Variants in RBFOX1 observed in about 807,000 individuals in gnomAD.
RBFOX1 encodes the protein RNA binding fox-1 homolog 1.
RBFOX1 carries 8 observed loss-of-function variants against 57.7 expected under a neutral mutation model. The observed-to-expected ratio is 0.14, with a 90% CI of 0.08 to 0.25. RBFOX1 has a LOEUF of 0.25. RBFOX1 is among the 10% of genes least tolerant of loss of function. The pLI is 1.00. For synonymous variants in RBFOX1, 326 were observed against 222.4 expected (o/e 1.47, Z -4.15); for missense variants, 611 against 548.5 (o/e 1.11, Z -1.14).
At chr16:5,950,723 A>G (rs192415916) in intron 4 of RBFOX1, among the ~76,000 whole-genome samples, 3 of 152,194 alleles carry the variant, frequency 2.0e-5, no homozygotes, top group Non-Finnish European at 4.4e-5. Flanking sequence ...TCAGGCACCT[A>G]CTGGGTACTC....
intron 3 of RBFOX1, among the ~76,000 whole-genome samples, chr16:6,898,713 ATG>A (rs758027246): frequency 3.3e-5 from 5 of 152,070 alleles, no homozygotes; most frequent in African/African-American, 1.2e-4. Flanking sequence ...TCTATAATAT[ATG>A]TGTGTATGTG....
At chr16:5,843,011 T>C (rs2056663881) in intron 3 of RBFOX1, among the ~76,000 whole-genome samples, 1 of 151,934 alleles carries the variant, frequency 6.6e-6, no homozygotes, top group Non-Finnish European at 1.5e-5. Context: ...TTTTCTTTAG[T>C]AGAGACGGGG....
At chr16:5,260,723 C>T (rs910406360) in intron 1 of RBFOX1, 2 of 152,290 alleles carry the variant, frequency 1.3e-5, no homozygotes, top group Admixed American at 1.3e-4. Context: ...TTTGCAGTCT[C>T]TTGACGTCAT....
intron 4 of RBFOX1, among the ~76,000 whole-genome samples, chr16:6,009,242 C>A (rs920031065): frequency 2.0e-5 from 3 of 152,120 alleles, no homozygotes; most frequent in African/African-American, 7.2e-5. Context: ...CAAAAAGCCA[C>A]GATGGTACCT....
chr16:7,641,475 A>C (rs1034451392), intron 11 of RBFOX1, among the ~76,000 whole-genome samples: 2 of 152,230 alleles, frequency 1.3e-5, no homozygotes, highest in African/African-American at 4.8e-5. Context: ...TTCAGAACCA[A>C]ACACCACACC....
intron 2 of RBFOX1, among the ~76,000 whole-genome samples, chr16:5,550,011 G>C (rs1426026231): frequency 6.6e-6 from 1 of 152,196 alleles, no homozygotes; most frequent in Non-Finnish European, 1.5e-5. Context: ...CAGCCCAGCT[G>C]GTTACAGCTT....
At chr16:7,070,878 G>A (rs1451085149) in intron 4 of RBFOX1, among the ~76,000 whole-genome samples, 4 of 152,150 alleles carry the variant, frequency 2.6e-5, no homozygotes, top group Non-Finnish European at 5.9e-5. Flanking sequence ...AACCAGCACT[G>A]ACAAGACTGT....
At chr16:7,204,402 G>C (rs756694475) in intron 4 of RBFOX1, among the ~76,000 whole-genome samples, 1 of 146,202 alleles carries the variant, frequency 6.8e-6, no homozygotes, top group Non-Finnish European at 1.5e-5. Context: ...AGTACTTTGA[G>C]AGGCTGAAGT....
chr16:5,375,085 CAAAAA>C (rs576765968), intron 1 of RBFOX1, among the ~76,000 whole-genome samples: 3 of 37,106 alleles, frequency 8.1e-5, no homozygotes, highest in East Asian at 2.3e-3. Context: ...TTTAAATGGC[CAAAAA>C]AAAAAAAAAA....
intron 14 of RBFOX1, among the ~76,000 whole-genome samples, chr16:7,682,953 C>G (rs1332987161): frequency 2.4e-5 from 2 of 83,254 alleles, no homozygotes; most frequent in Non-Finnish European, 2.5e-5. Context: ...TGTGAGATTC[C>G]TATTACAAAG....
At chr16:5,842,694 T>G (rs1354355458) in intron 3 of RBFOX1, among the ~76,000 whole-genome samples, 1 of 152,230 alleles carries the variant, frequency 6.6e-6, no homozygotes. Context: ...GAAATGTACC[T>G]CTAAGCAAGT....
At chr16:6,356,155 T>A (rs891917745) in intron 2 of RBFOX1, among the ~76,000 whole-genome samples, 2 of 152,218 alleles carry the variant, frequency 1.3e-5, no homozygotes, top group Non-Finnish European at 2.9e-5. Flanking sequence ...ACAGCCTTCA[T>A]CCTTGAAGAG....
intron 3 of RBFOX1, among the ~76,000 whole-genome samples, chr16:7,045,580 G>T (rs1330880759): frequency 2.6e-5 from 4 of 152,136 alleles, no homozygotes; most frequent in African/African-American, 9.7e-5. Flanking sequence ...TGTCGTCATT[G>T]TGCTTTTGTG....
At chr16:6,799,218 G>C (rs570264479) in intron 3 of RBFOX1, among the ~76,000 whole-genome samples, 1 of 152,092 alleles carries the variant, frequency 6.6e-6, no homozygotes, top group Non-Finnish European at 1.5e-5. Flanking sequence ...AGGGGAAACC[G>C]TGCACAGCAA....
intron 2 of RBFOX1, among the ~76,000 whole-genome samples, chr16:5,501,442 TAGTGGA>T (rs2043195174): frequency 6.6e-6 from 1 of 151,770 alleles, no homozygotes; most frequent in Admixed American, 6.6e-5. Context: ...CCTGTCGATC[TAGTGGA>T]AGGGTTGGTG....
At chr16:6,891,484 A>G (rs1277538072) in intron 3 of RBFOX1, among the ~76,000 whole-genome samples, 1 of 151,588 alleles carries the variant, frequency 6.6e-6, no homozygotes, top group Non-Finnish European at 1.5e-5. Context: ...AGAGAGAGAG[A>G]GGAGAGGAGA....
chr16:5,649,617 G>C (rs2049166492), intron 3 of RBFOX1, among the ~76,000 whole-genome samples: 1 of 152,148 alleles, frequency 6.6e-6, no homozygotes, highest in African/African-American at 2.4e-5. Context: ...TCTTCCCTGA[G>C]AGATGCAGCC....
intron 4 of RBFOX1, among the ~76,000 whole-genome samples, chr16:7,195,921 G>A (rs1374926515): frequency 6.6e-6 from 1 of 151,908 alleles, no homozygotes; most frequent in Admixed American, 6.6e-5. Context: ...ATAAAGGTTA[G>A]CCCACGTGAT....
chr16:5,538,835 C>G (rs1359862893), intron 2 of RBFOX1, among the ~76,000 whole-genome samples: 1 of 152,066 alleles, frequency 6.6e-6, no homozygotes, highest in East Asian at 1.9e-4. Flanking sequence ...ACTGTGTTAG[C>G]CATGATGTTC....
Sources: allele counts gnomAD v4.1 joint callset (sites outside exome capture counted in the v4.1 genomes callset), GRCh38; gene constraint gnomAD v4.1.1; transcripts MANE v1.5; gene names NCBI Gene and HGNC (gene_info 2026-07-23, HGNC 2026-07-21).